The following ARHGAP21 variants were observed in gnomAD, a reference collection of about 807,000 sequenced individuals.
ARHGAP21 encodes rho GTPase-activating protein 21.
ARHGAP21 carries 38 observed loss-of-function variants against 164.6 expected under a neutral mutation model. The ratio of observed to expected loss-of-function variants is 0.23; its 90% confidence interval spans 0.18 to 0.30. The LOEUF (loss-of-function observed/expected upper bound fraction) is 0.30. ARHGAP21 is among the 10% of genes least tolerant of loss of function. The pLI is 1.00. For missense variants in ARHGAP21, 1,822 were observed against 2,370.7 expected, an observed-to-expected ratio of 0.77 and a Z score of 4.81; for synonymous variants, 766 against 857.9, an observed-to-expected ratio of 0.89 and a Z score of 1.87.
At chr10:24,609,616 C>T (rs1275861064) in intron 9 of ARHGAP21, among the ~76,000 whole-genome samples, 7 of 152,156 alleles carry the variant, frequency 4.6e-5, no homozygotes, top group African/African-American at 1.7e-4. Context: ...ACAGACTATA[C>T]TAATCCAATT....
chr10:24,667,349 C>T (rs1840295173), intron 3 of ARHGAP21, among the ~76,000 whole-genome samples: 1 of 152,086 alleles, frequency 6.6e-6, no homozygotes, highest in Non-Finnish European at 1.5e-5. Flanking sequence ...ATGGAGATAT[C>T]CAAGTGAAGT....
chr10:24,722,344 T>C (rs1846014772), intron 1 of ARHGAP21, 65 bp from the exon 2 acceptor site: 1 of 157,786 alleles, frequency 6.3e-6, no homozygotes, highest in Non-Finnish European at 1.4e-5. Context: ...CTTGCCCACA[T>C]GTCCACACCA....
Position 24,602,192 on chromosome 10 carries a change from T to A in ARHGAP21, c.2722-89A>T, listed in dbSNP as rs1317698435. 2.7e-6 allele frequency: 4 copies of A among 1,456,326 alleles called. No homozygotes were observed. In the East Asian group the frequency reaches 7.4e-5, roughly 27 times the overall value. 90.2% of individuals were successfully genotyped at this position (1,456,326 alleles called of 1,614,324 possible). On this transcript the variant is annotated intron_variant, in intron 12 of 25. Transcript: ENST00000396432. ...GAAACTGCTTTGTGGAAAACTTTAT[T>A]TAATGTTTCAAGTGAAGGGCTATTT... is the stretch of plus-strand genomic sequence containing the variant.
At chr10:24,661,760 A>T (rs1839713329) in intron 4 of ARHGAP21, among the ~76,000 whole-genome samples, 1 of 152,246 alleles carries the variant, frequency 6.6e-6, no homozygotes, top group South Asian at 2.1e-4. Flanking sequence ...CATTCTGTTG[A>T]ATTAAAATAC....
At chr10:24,595,383 C>T (rs1259445648) in intron 19 of ARHGAP21, among the ~76,000 whole-genome samples, 193 bp from the exon 20 acceptor site, 1 of 152,072 alleles carries the variant, frequency 6.6e-6, no homozygotes, top group Non-Finnish European at 1.5e-5. Flanking sequence ...TCCTCCCCCA[C>T]CCTCCAACAA....
intron 2 of ARHGAP21, among the ~76,000 whole-genome samples, chr10:24,688,020 A>G (rs1842377596): frequency 6.6e-6 from 1 of 152,118 alleles, no homozygotes; most frequent in South Asian, 2.1e-4. Flanking sequence ...TGGTGAACTC[A>G]TTTTCATTGG....
intron 13 of ARHGAP21, 141 bp downstream of exon 13, chr10:24,601,837 A>G (rs1169663945): frequency 7.0e-5 from 74 of 1,062,172 alleles, no homozygotes; most frequent in Non-Finnish European, 8.7e-5. Flanking sequence ...ACTTTTTTTA[A>G]TGTAGAAAAA....
At chr10:24,635,835 G>A (rs180723421) in intron 4 of ARHGAP21, among the ~76,000 whole-genome samples, 3 of 152,308 alleles carry the variant, frequency 2.0e-5, no homozygotes, top group Non-Finnish European at 2.9e-5. Context: ...GTGAGCCACC[G>A]TGCCCAGCCT....
intron 2 of ARHGAP21, among the ~76,000 whole-genome samples, chr10:24,700,150 C>T (rs1843527480): frequency 6.6e-6 from 1 of 152,196 alleles, no homozygotes; most frequent in Non-Finnish European, 1.5e-5. Flanking sequence ...CTTGCTCTCA[C>T]CTGCAAGATC....
At chr10:24,722,992 G>C (rs1383078533) in intron 1 of ARHGAP21, among the ~76,000 whole-genome samples, 1 of 151,928 alleles carries the variant, frequency 6.6e-6, no homozygotes, top group Non-Finnish European at 1.5e-5. Context: ...TGGCCACCTA[G>C]GGGGAAAAAA....
At chr10:24,591,356 TCATCATCTCTTCAAAG>T in intron 23 of ARHGAP21, 26 bp from the exon 24 acceptor site, 1 of 1,546,266 alleles carries the variant, frequency 6.5e-7, no homozygotes, top group Non-Finnish European at 8.9e-7. Context: ...AAAGATCTCT[TCATCATCTCTTCAAAG>T]ATACTTTCTT....
intron 4 of ARHGAP21, among the ~76,000 whole-genome samples, chr10:24,640,691 CTG>C (rs984274911): frequency 6.6e-6 from 1 of 151,970 alleles, no homozygotes; most frequent in Non-Finnish European, 1.5e-5. Flanking sequence ...TAAAAAATAA[CTG>C]AAACCCCAAC....
chr10:24,695,566 CAAA>C (rs34010661), intron 2 of ARHGAP21, among the ~76,000 whole-genome samples: 18 of 127,892 alleles, frequency 1.4e-4, no homozygotes, highest in Admixed American at 2.4e-4. Context: ...GAGACTGCGT[CAAA>C]AAAAAAAAAA....
At chr10:24,673,734 C>A (rs1163942700) in intron 2 of ARHGAP21, among the ~76,000 whole-genome samples, 1 of 152,020 alleles carries the variant, frequency 6.6e-6, no homozygotes, top group African/African-American at 2.4e-5. Flanking sequence ...TGGTGGCACA[C>A]ACCTATAATC....
chr10:24,706,662 C>T (rs560079308), intron 2 of ARHGAP21: 4 of 152,578 alleles, frequency 2.6e-5, no homozygotes, highest in Non-Finnish European at 2.9e-5. Context: ...AGCGGGGTTA[C>T]GAGAGCTCTG....
At chr10:24,682,857 A>C (rs2131905938) in intron 2 of ARHGAP21, among the ~76,000 whole-genome samples, 1 of 152,146 alleles carries the variant, frequency 6.6e-6, no homozygotes, top group South Asian at 2.1e-4. Flanking sequence ...CAGCACTTTG[A>C]GGCCGAGGCA....
At chr10:24,626,733 T>C (rs1461481377) in intron 7 of ARHGAP21, among the ~76,000 whole-genome samples, 2 of 152,216 alleles carry the variant, frequency 1.3e-5, no homozygotes, top group Non-Finnish European at 2.9e-5. Flanking sequence ...CAAAATCATT[T>C]TGGTTTTTGG....
chr10:24,584,674 T>C lies in ARHGAP21; in HGVS notation c.5615A>G (p.Asp1872Gly). ...TSDLSRGEIG[D>G]PQTENPSTRE... Reference sequence around the variant, plus strand: ...TGTGCTTGGGTTCTCTGTCTGGGGATCTCCGATTTCTCCTCTGCTAAGGTC... The same window carrying C: ...TGTGCTTGGGTTCTCTGTCTGGGGACCTCCGATTTCTCCTCTGCTAAGGTC... The change falls in exon 26 of 26, where the codon GAT (aspartate) becomes GGT (glycine). Residue 1872 changes from aspartate to glycine, a missense_variant. Coordinates refer to ENST00000396432, the MANE Select transcript of ARHGAP21 (RefSeq NM_020824.4). 1 of 1,613,912 alleles carries C rather than the reference T, an allele frequency of 6.2e-7. No individual in the cohort carries two copies. Among genetic ancestry groups the C allele is most frequent in the Non-Finnish European group, 8.5e-7 (1 of 1,179,852 alleles).
intron 2 of ARHGAP21, among the ~76,000 whole-genome samples, chr10:24,700,104 A>G (rs1843523029): frequency 6.6e-6 from 1 of 152,162 alleles, no homozygotes; most frequent in African/African-American, 2.4e-5. Context: ...TCTCCTAACA[A>G]TGGTTAATAG....
Sources: allele counts gnomAD v4.1 joint callset (sites outside exome capture counted in the v4.1 genomes callset), GRCh38; gene constraint gnomAD v4.1.1; transcripts MANE v1.5; gene names NCBI Gene and HGNC (gene_info 2026-07-23, HGNC 2026-07-21).